Variants in ROBO2 observed in about 807,000 individuals in gnomAD.
ROBO2 encodes the protein roundabout guidance receptor 2.
Under a neutral mutation model 160.8 loss-of-function variants are expected in ROBO2, and 53 were observed. The observed-to-expected ratio is 0.33, with a 90% confidence interval of 0.26 to 0.41. The LOEUF is 0.41. ROBO2 is among the 10% of genes least tolerant of loss of function. The pLI is 1.00. For synonymous variants in ROBO2, 664 were observed against 611.7 expected, an observed-to-expected ratio of 1.09 and a Z score of -1.26; for missense variants, 1,577 against 1,722.4, an observed-to-expected ratio of 0.92 and a Z score of 1.49.
chr3:76,917,771 C>T (rs2076416297), intron 2 of ROBO2, among the ~76,000 whole-genome samples: 1 of 149,528 alleles, frequency 6.7e-6, no homozygotes, highest in Non-Finnish European at 1.5e-5. Flanking sequence ...AGATCTTAAG[C>T]TCAGAGTTTT....
At chr3:76,474,892 C>T (rs1286168566) in intron 2 of ROBO2, among the ~76,000 whole-genome samples, 2 of 152,002 alleles carry the variant, frequency 1.3e-5, no homozygotes, top group Non-Finnish European at 2.9e-5. Context: ...CTCTCGTCTT[C>T]CTCTTAGAAT....
intron 2 of ROBO2, among the ~76,000 whole-genome samples, chr3:76,958,324 GA>G (rs972470740): frequency 6.6e-6 from 1 of 152,072 alleles, no homozygotes; most frequent in Non-Finnish European, 1.5e-5. Context: ...TTCCAGAGGG[GA>G]AAAAATGAAA....
intron 13 of ROBO2, among the ~76,000 whole-genome samples, chr3:77,570,064 C>T (rs879647411): frequency 6.6e-6 from 1 of 151,842 alleles, no homozygotes; most frequent in Admixed American, 6.6e-5. Flanking sequence ...TTTCAGTACC[C>T]TTGAGTAGAT....
rs190304934 is a variant in ROBO2 at position 75,932,331 on chromosome 3, A to G, written c.-13-5150A>G. Among the ~76,000 whole-genome samples, 3 of 152,328 alleles carry G rather than the reference A, an allele frequency of 2.0e-5. No individual in the cohort carries two copies. The East Asian group carries it at 5.8e-4, about 29-fold the overall frequency. ...CACTATTTTAATTTGTTTTTCACTG[A>G]AAAGTCAGTCTGAATATAGAGCCTT... On this transcript the variant is annotated intron_variant, in intron 1 of 26. Transcript: ENST00000487694.
intron 1 of ROBO2, among the ~76,000 whole-genome samples, chr3:75,914,472 C>CT (rs1266938856): frequency 1.3e-5 from 2 of 152,084 alleles, no homozygotes; most frequent in Non-Finnish European, 2.9e-5. Context: ...TTCAAATATT[C>CT]TAAGTTTTTA....
At chr3:77,231,662 T>C (rs2087235201) in intron 2 of ROBO2, among the ~76,000 whole-genome samples, 1 of 152,102 alleles carries the variant, frequency 6.6e-6, no homozygotes, top group African/African-American at 2.4e-5. Context: ...GACTTGACTC[T>C]ACTGTTTTAC....
In ROBO2 at chr3:77,375,757, T is replaced by C. The variant is rs142619836; in HGVS notation, c.389-101657T>C. Among the ~76,000 whole-genome samples the C allele has an allele frequency of 1.2e-3, 180 of 151,622 alleles. 1 individual carries two copies. In the Middle Eastern group the frequency reaches 0.017, roughly 14 times the overall value. On this transcript the variant is annotated intron_variant, in intron 2 of 25. Transcript: ENST00000461745. The stretch of plus-strand genomic sequence containing the variant: ...TGATGTGTGAGATATCCCCATGCAT[T>C]TGAGAACCTTTGCATAGACTGTACT...
intron 2 of ROBO2, among the ~76,000 whole-genome samples, chr3:76,674,368 C>T (rs174648): frequency 0.46 from 69,175 of 151,624 alleles, 16,142 homozygotes; most frequent in African/African-American, 0.53. Flanking sequence ...GGTGGGAAAA[C>T]GTGTAGTGCT....
intron 2 of ROBO2, among the ~76,000 whole-genome samples, chr3:76,093,860 A>T (rs2069331058): frequency 6.6e-6 from 1 of 152,194 alleles, no homozygotes; most frequent in African/African-American, 2.4e-5. Context: ...AACTTTTAGA[A>T]TAAAAGTCTC....
intron 2 of ROBO2, among the ~76,000 whole-genome samples, chr3:77,252,166 T>A (rs1580386518): frequency 6.6e-6 from 1 of 152,204 alleles, no homozygotes; most frequent in African/African-American, 2.4e-5. Flanking sequence ...TCTTACGACG[T>A]GAACATTATT....
intron 2 of ROBO2, among the ~76,000 whole-genome samples, chr3:76,146,692 C>T (rs2071902109): frequency 8.1e-6 from 1 of 123,866 alleles, no homozygotes; most frequent in Non-Finnish European, 1.7e-5. Context: ...CATGGGATTA[C>T]ATAGGGTGTG....
intron 2 of ROBO2, among the ~76,000 whole-genome samples, chr3:77,289,998 G>C (rs1434088530): frequency 6.6e-6 from 1 of 151,284 alleles, no homozygotes; most frequent in Non-Finnish European, 1.5e-5. Flanking sequence ...CGGGTAAACT[G>C]AGGCTAGATC....
intron 2 of ROBO2, among the ~76,000 whole-genome samples, chr3:76,398,894 C>T (rs2077644802): frequency 6.6e-6 from 1 of 151,692 alleles, no homozygotes; most frequent in Non-Finnish European, 1.5e-5. Context: ...GAAGAAGGTA[C>T]ATATTTGATG....
intron 2 of ROBO2, among the ~76,000 whole-genome samples, chr3:77,373,536 T>C (rs2072129786): frequency 6.6e-6 from 1 of 152,092 alleles, no homozygotes. Context: ...TCCTAGAGTA[T>C]AAAGAAATCA....
chr3:77,588,991 A>C, intron 17 of ROBO2, 58 bp downstream of exon 18: 1 of 1,586,508 alleles, frequency 6.3e-7, no homozygotes, highest in South Asian at 1.1e-5. Flanking sequence ...AATGAAATGA[A>C]TGGAAGGAAC....
intron 2 of ROBO2, among the ~76,000 whole-genome samples, chr3:76,723,015 A>G (rs2093489344): frequency 6.6e-6 from 1 of 152,174 alleles, no homozygotes; most frequent in Non-Finnish European, 1.5e-5. Flanking sequence ...ATGTTTTGTC[A>G]GAAAATAACA....
chr3:77,630,331 GA>G (rs1020864253), intron 23 of ROBO2: 2 of 152,466 alleles, frequency 1.3e-5, no homozygotes, highest in Non-Finnish European at 2.9e-5. Context: ...GAGGCCTCAG[GA>G]AACTTACAAT....
chr3:76,144,041 T>C lies in ROBO2; in HGVS notation c.109+206439T>C, dbSNP rs373956242. On this transcript the variant is annotated intron_variant, in intron 2 of 26. Transcript: ENST00000487694. ...GGACAATCAGCTTCACTCAGTCTAC[T>C]GATTCAAATGTTAATCTCAGCCAGA... Among the ~76,000 whole-genome samples the C allele has an allele frequency of 1.6e-3, 248 of 152,076 alleles. 7 individuals are homozygous for C. In the South Asian group the frequency reaches 0.048, roughly 30 times the overall value.
chr3:77,117,569 C>A (rs972125550), intron 2 of ROBO2, among the ~76,000 whole-genome samples: 1 of 152,104 alleles, frequency 6.6e-6, no homozygotes, highest in African/African-American at 2.4e-5. Context: ...TTCTTCATAT[C>A]TGTATTTCAA....
Sources: allele counts gnomAD v4.1 joint callset (sites outside exome capture counted in the v4.1 genomes callset), GRCh38; gene constraint gnomAD v4.1.1; transcripts MANE v1.5; gene names NCBI Gene and HGNC (gene_info 2026-07-23, HGNC 2026-07-21).